Variants in SPTBN1 observed in about 807,000 individuals in gnomAD.
SPTBN1 encodes the protein spectrin beta chain, non-erythrocytic 1.
A neutral mutation model predicts 266.4 loss-of-function variants in SPTBN1; 32 were observed. The observed-to-expected ratio is 0.12, with a 90% confidence interval of 0.09 to 0.16. The LOEUF is 0.16. SPTBN1 is among the 10% of genes least tolerant of loss of function. The probability of loss-of-function intolerance (pLI) is 1.00; values close to 1 mark genes in which losing one functional copy is unlikely to be tolerated. For synonymous variants in SPTBN1, 1,336 were observed against 1,162.2 expected (o/e 1.15, Z -3.04); for missense variants, 2,296 against 3,067.1 (o/e 0.75, Z 5.94).
At chr2:54,523,776 T>G (rs1294242246) in intron 1 of SPTBN1, among the ~76,000 whole-genome samples, 1 of 152,222 alleles carries the variant, frequency 6.6e-6, no homozygotes, top group African/African-American at 2.4e-5. Context: ...CTGGTTTGGT[T>G]AGCACGCAGG....
chr2:54,573,056 C>A (rs1674198711), intron 2 of SPTBN1, among the ~76,000 whole-genome samples: 1 of 152,224 alleles, frequency 6.6e-6, no homozygotes, highest in Admixed American at 6.5e-5. Flanking sequence ...CATTAAATGA[C>A]TCTGAAATGA....
At chr2:54,457,561 C>T (rs891324504) in intron 1 of SPTBN1, among the ~76,000 whole-genome samples, 2 of 152,056 alleles carry the variant, frequency 1.3e-5, no homozygotes, top group African/African-American at 4.8e-5. Flanking sequence ...TTTATTTGGG[C>T]GGGGATGTGC....
intron 2 of SPTBN1, among the ~76,000 whole-genome samples, chr2:54,550,543 A>T (rs928710609): frequency 1.3e-5 from 2 of 152,228 alleles, no homozygotes; most frequent in African/African-American, 2.4e-5. Flanking sequence ...ACATGTCAGC[A>T]GGGATTTGGT....
chr2:54,657,452 T>C (rs1680751512), intron 29 of SPTBN1, among the ~76,000 whole-genome samples: 1 of 152,262 alleles, frequency 6.6e-6, no homozygotes, highest in African/African-American at 2.4e-5. Context: ...CGTGTGGCTC[T>C]TGAGAACTTG....
chr2:54,583,013 G>C (rs1270889625), intron 2 of SPTBN1, among the ~76,000 whole-genome samples: 1 of 152,168 alleles, frequency 6.6e-6, no homozygotes, highest in African/African-American at 2.4e-5. Flanking sequence ...CCTGACTATA[G>C]GGGTGGACAT....
At chr2:54,605,718 C>T (rs1289899654) in intron 3 of SPTBN1, among the ~76,000 whole-genome samples, 1 of 152,248 alleles carries the variant, frequency 6.6e-6, no homozygotes, top group Non-Finnish European at 1.5e-5. Flanking sequence ...GCAGATAGAA[C>T]ACACGTTGTG....
At chr2:54,659,511 G>T (rs909526396) in intron 31 of SPTBN1, among the ~76,000 whole-genome samples, 20 of 152,188 alleles carry the variant, frequency 1.3e-4, no homozygotes, top group African/African-American at 4.3e-4. Context: ...TTCTCATCCT[G>T]TGTGCACACA....
chr2:54,645,631 A>G lies in SPTBN1; in HGVS notation c.4494+178A>G, dbSNP rs548812539. 5.9e-5 allele frequency among the ~76,000 whole-genome samples: 9 copies of G among 152,230 alleles called. No homozygotes were observed. The highest frequency in any genetic ancestry group is 2.1e-4 in the South Asian group (1 of 4,822). On this transcript the variant is annotated intron_variant, in intron 21 of 35. Transcript: ENST00000356805. The surrounding 1 kb of genome is among the most constrained non-coding windows in gnomAD (Gnocchi z 4.3). ...CCCTTTTCACCCTAAATGTAACTCC[A>G]TTGGTCCTCTCACGTTATCTAGGGA...
chr2:54,488,388 C>T (rs1356173479), intron 1 of SPTBN1, among the ~76,000 whole-genome samples: 2 of 152,192 alleles, frequency 1.3e-5, no homozygotes, highest in Non-Finnish European at 2.9e-5. Context: ...TCTGTTTTCA[C>T]CTTGGACTGC....
At chr2:54,521,264 C>T (rs1257997415) in intron 1 of SPTBN1, among the ~76,000 whole-genome samples, 3 of 152,210 alleles carry the variant, frequency 2.0e-5, no homozygotes, top group African/African-American at 7.2e-5. Flanking sequence ...ACTTCTTCAC[C>T]CTCACGTCAC....
rs537379369 is a variant in SPTBN1 at position 54,649,326 on chromosome 2, T to G, written c.5202+136T>G. On this transcript the variant is annotated intron_variant, in intron 25 of 35. Coordinates refer to ENST00000356805, the MANE Select transcript of SPTBN1 (RefSeq NM_003128.3). The surrounding 1 kb of genome is among the most constrained non-coding windows in gnomAD (Gnocchi z 6.7). ...GTCTTGGGGTTTAGTTTTAAGGTGG[T>G]GTTTCTTTTATAAGCTGGTGACTCG... 1 of 1,086,988 alleles carries G rather than the reference T, an allele frequency of 9.2e-7. No homozygotes were observed. Among genetic ancestry groups the G allele is most frequent in the Non-Finnish European group, 1.3e-6 (1 of 777,028 alleles). 67.3% of individuals were successfully genotyped at this position (1,086,988 alleles called of 1,614,324 possible). A position where few individuals can be genotyped will look rare whatever the true frequency, so the allele number is the denominator to read the frequency against.
intron 2 of SPTBN1, among the ~76,000 whole-genome samples, chr2:54,534,728 C>T (rs554527607): frequency 6.6e-6 from 1 of 152,224 alleles, no homozygotes; most frequent in Non-Finnish European, 1.5e-5. Context: ...CTCAGACTCT[C>T]TTCTCACCTC....
chr2:54,663,183 C>A (rs1234592872), intron 32 of SPTBN1: 1 of 152,174 alleles, frequency 6.6e-6, no homozygotes, highest in Non-Finnish European at 1.5e-5. Flanking sequence ...GTTTACAGAT[C>A]CAGGTGTTCA....
chr2:54,492,347 TTG>T (rs1340042295), intron 1 of SPTBN1, among the ~76,000 whole-genome samples: 7 of 148,286 alleles, frequency 4.7e-5, no homozygotes, highest in African/African-American at 7.6e-5. Flanking sequence ...AGTTGTTTTT[TTG>T]TTTTTTTTTT....
rs936717609 is a variant in SPTBN1 at position 54,653,271 on chromosome 2, T to A, written c.5578-338T>A. 2 of 201,402 alleles carry A rather than the reference T, an allele frequency of 9.9e-6. No individual in the cohort carries two copies. The highest frequency in any genetic ancestry group is 2.0e-5 in the Non-Finnish European group (2 of 101,124). 12.5% of individuals were successfully genotyped at this position (201,402 alleles called of 1,614,324 possible). ...CTTTACCCCGAGATAGCAGATTAGGTATTTATTTTTTGGACTGTATCTGAA... is the reference window on the plus strand; with the variant it reads ...CTTTACCCCGAGATAGCAGATTAGGAATTTATTTTTTGGACTGTATCTGAA... On this transcript the variant is annotated intron_variant, in intron 26 of 35. Transcript: ENST00000356805. The surrounding 1 kb of genome is among the most constrained non-coding windows in gnomAD (Gnocchi z 5.1).
rs142815144 is a variant in SPTBN1 at position 54,577,293 on chromosome 2, G to A, written c.149-21799G>A. ...GGCCCCTGCAAATAAATGCATGGCC[G>A]TTTACTCTGGTCACTTTCATTTTAC... On this transcript the variant is annotated intron_variant, in intron 2 of 35. Transcript: ENST00000356805. Among the ~76,000 whole-genome samples, 537 of 152,266 alleles carry A rather than the reference G, an allele frequency of 3.5e-3. 2 individuals are homozygous for A. The highest frequency in any genetic ancestry group is 0.018 in the South Asian group (86 of 4,816).
In SPTBN1 at chr2:54,456,505, C is replaced by A. The variant is rs1573183889; in HGVS notation, c.-61C>A. 6.6e-6 allele frequency: 1 copy of A among 152,050 alleles called. No individual in the cohort carries two copies. Among genetic ancestry groups the A allele is most frequent in the African/African-American group, 2.4e-5 (1 of 41,518 alleles). The allele number at this position is 152,050 out of a possible 1,614,324, so 9.4% of individuals were successfully genotyped here. A position where few individuals can be genotyped will look rare whatever the true frequency, so the allele number is the denominator to read the frequency against. ...GAGGACGGGACCCCGGCGCCCCCAC[C>A]CCATCCCCGGGAGGTAGGTAGGGGG... On this transcript the variant is annotated 5_prime_UTR_variant, in exon 1 of 36. Transcript: ENST00000356805.
intron 18 of SPTBN1, among the ~76,000 whole-genome samples, chr2:54,638,110 C>G (rs966252677): frequency 1.3e-5 from 2 of 152,190 alleles, no homozygotes; most frequent in Non-Finnish European, 2.9e-5. Context: ...ACTATAATTA[C>G]ATAAAACTAA....
chr2:54,661,548 C>T, intron 32 of SPTBN1: 1 of 985,738 alleles, frequency 1.0e-6, no homozygotes, highest in Non-Finnish European at 1.2e-6. Flanking sequence ...TAGATAGATG[C>T]CAAGCTTCTT....
Sources: allele counts gnomAD v4.1 joint callset (sites outside exome capture counted in the v4.1 genomes callset), GRCh38; gene constraint gnomAD v4.1.1; non-coding constraint Gnocchi (gnomAD v3.1); transcripts MANE v1.5; gene names NCBI Gene and HGNC (gene_info 2026-07-23, HGNC 2026-07-21).